ERBB4: variants seen among roughly 807,000 people sequenced by gnomAD.
ERBB4 encodes erb-b2 receptor tyrosine kinase 4.
A neutral mutation model predicts 158.0 loss-of-function variants in ERBB4; 42 were observed. That is an observed-to-expected ratio of 0.27 (90% confidence interval 0.21 to 0.34). The LOEUF (loss-of-function observed/expected upper bound fraction) is 0.34. Among genes scored for constraint, ERBB4 ranks in the 10% least tolerant of loss-of-function variants. The probability of loss-of-function intolerance (pLI) is 1.00; values close to 1 mark genes in which losing one functional copy is unlikely to be tolerated. For synonymous variants in ERBB4, 583 were observed against 558.7 expected, an observed-to-expected ratio of 1.04 and a Z score of -0.61; for missense variants, 1,333 against 1,624.1, an observed-to-expected ratio of 0.82 and a Z score of 3.08.
At position 211,379,559 on chromosome 2, in the gene ERBB4, C is replaced by A; in HGVS notation, c.*4056G>T. Reference sequence around the variant, plus strand: ...CAAAATCCATCCTACATTTTTATATCCTGCATTTAACTTTGTTACATTATA... The same window carrying A: ...CAAAATCCATCCTACATTTTTATATACTGCATTTAACTTTGTTACATTATA... On this transcript the variant is annotated 3_prime_UTR_variant, in exon 28 of 28. Transcript: ENST00000342788. 4.3e-6 allele frequency: 1 copy of A among 231,008 alleles called. No individual in the cohort carries two copies. Among genetic ancestry groups the A allele is most frequent in the Non-Finnish European group, 8.6e-6 (1 of 116,706 alleles). The allele number at this position is 231,008 out of a possible 1,614,324, so 14.3% of individuals were successfully genotyped here. A position where few individuals can be genotyped will look rare whatever the true frequency, so the allele number is the denominator to read the frequency against.
intron 1 of ERBB4, among the ~76,000 whole-genome samples, chr2:212,433,571 C>T (rs1272745146): frequency 2.0e-5 from 3 of 151,870 alleles, no homozygotes; most frequent in Non-Finnish European, 4.4e-5. Context: ...ACTTTCAGGC[C>T]TCATTTATTC....
At position 211,892,518 on chromosome 2, in the gene ERBB4, C is replaced by T. The variant is rs900071792; in HGVS notation, c.421+54912G>A. On this transcript the variant is annotated intron_variant, in intron 3 of 27. Transcript: ENST00000342788. Reference sequence around the variant, plus strand: ...GGCACAAGACAGGGATGCCCTCTCTCACCACTCCAATTCAACATAGTGTTG... The same window carrying T: ...GGCACAAGACAGGGATGCCCTCTCTTACCACTCCAATTCAACATAGTGTTG... 1.3e-4 allele frequency among the ~76,000 whole-genome samples: 18 copies of T among 139,838 alleles called. 1 individual carries two copies. Among genetic ancestry groups the T allele is most frequent in the African/African-American group, 4.9e-4 (17 of 34,476 alleles). 91.7% of individuals were successfully genotyped at this position (139,838 alleles called of 152,430 possible).
chr2:211,590,180 C>T (rs1368948537), intron 19 of ERBB4, among the ~76,000 whole-genome samples: 1 of 152,106 alleles, frequency 6.6e-6, no homozygotes, highest in East Asian at 1.9e-4. Context: ...TGAAAGAGGT[C>T]CAACTTAAAC....
chr2:211,385,866 C>T (rs1193857695), intron 27 of ERBB4, among the ~76,000 whole-genome samples: 11 of 152,138 alleles, frequency 7.2e-5, no homozygotes, highest in Admixed American at 1.3e-4. Context: ...GTCTTCACAA[C>T]GTCTACATTT....
chr2:212,492,081 A>G (rs530792048), intron 1 of ERBB4, among the ~76,000 whole-genome samples: 2 of 151,670 alleles, frequency 1.3e-5, no homozygotes, highest in Admixed American at 1.3e-4. Flanking sequence ...AACAAAAATA[A>G]CGTAAATTTG....
At chr2:211,972,152 T>C in intron 2 of ERBB4, among the ~76,000 whole-genome samples, 1 of 151,426 alleles carries the variant, frequency 6.6e-6, no homozygotes, top group Non-Finnish European at 1.5e-5. Context: ...GAAGAAACTA[T>C]AATGCCACAT....
At chr2:211,425,897 T>G (rs2063616395) in intron 22 of ERBB4, among the ~76,000 whole-genome samples, 1 of 152,102 alleles carries the variant, frequency 6.6e-6, no homozygotes, top group Admixed American at 6.6e-5. Flanking sequence ...TTGCCCAGGC[T>G]GGTCTCAAAC....
chr2:212,513,031 T>G (rs768334508), intron 1 of ERBB4, among the ~76,000 whole-genome samples: 46 of 152,206 alleles, frequency 3.0e-4, no homozygotes, highest in Non-Finnish European at 2.6e-4. Flanking sequence ...ATCTAATTCT[T>G]ATCATCTTCA....
intron 20 of ERBB4, among the ~76,000 whole-genome samples, chr2:211,505,743 G>A (rs1268009530): frequency 2.0e-5 from 3 of 152,042 alleles, no homozygotes; most frequent in Non-Finnish European, 4.4e-5. Context: ...GGTGGATCAC[G>A]AGGTCAGGAG....
chr2:211,496,350 G>T (rs896970307), intron 20 of ERBB4, among the ~76,000 whole-genome samples: 2 of 151,760 alleles, frequency 1.3e-5, no homozygotes, highest in African/African-American at 4.8e-5. Context: ...TTCTGTTTGA[G>T]CCTCTAATAT....
chr2:211,401,303 A>G (rs1323382869), intron 25 of ERBB4, among the ~76,000 whole-genome samples: 1 of 152,128 alleles, frequency 6.6e-6, no homozygotes, highest in African/African-American at 2.4e-5. Flanking sequence ...CTTTCTTTAG[A>G]TGATGAGGGT....
chr2:211,804,607 G>A (rs2076572300), intron 3 of ERBB4, among the ~76,000 whole-genome samples: 1 of 152,100 alleles, frequency 6.6e-6, no homozygotes, highest in South Asian at 2.1e-4. Context: ...TTGGGTGCAG[G>A]GAAAATTATA....
chr2:211,870,178 G>T (rs1025443706), intron 3 of ERBB4, among the ~76,000 whole-genome samples: 1 of 151,918 alleles, frequency 6.6e-6, no homozygotes, highest in Admixed American at 6.6e-5. Context: ...CCATAAATTT[G>T]GGAAGTAAAA....
intron 2 of ERBB4, among the ~76,000 whole-genome samples, chr2:211,977,721 A>G (rs1300662947): frequency 2.0e-5 from 3 of 150,814 alleles, no homozygotes; most frequent in Non-Finnish European, 4.4e-5. Flanking sequence ...CTAATTTTTT[A>G]AATAGCTGTA....
chr2:211,742,102 TA>T (rs2074820227), intron 5 of ERBB4, among the ~76,000 whole-genome samples: 1 of 152,212 alleles, frequency 6.6e-6, no homozygotes, highest in Non-Finnish European at 1.5e-5. Flanking sequence ...GGGTTTTAAT[TA>T]AAGATGTTGG....
chr2:211,895,584 G>T (rs1332226625), intron 3 of ERBB4, among the ~76,000 whole-genome samples: 1 of 151,930 alleles, frequency 6.6e-6, no homozygotes, highest in African/African-American at 2.4e-5. Context: ...ATTATCAATT[G>T]CTCCCCCTCT....
At chr2:211,453,978 T>A (rs980305504) in intron 20 of ERBB4, among the ~76,000 whole-genome samples, 1 of 152,196 alleles carries the variant, frequency 6.6e-6, no homozygotes, top group Non-Finnish European at 1.5e-5. Flanking sequence ...AGTCCAATGT[T>A]CAATCAACTA....
chr2:211,840,045 G>T (rs1188683530), intron 3 of ERBB4, among the ~76,000 whole-genome samples: 2 of 152,098 alleles, frequency 1.3e-5, no homozygotes, highest in Admixed American at 1.3e-4. Context: ...AGAAGAGGAT[G>T]ACAGTGAAGC....
At chr2:211,918,263 T>G (rs999959591) in intron 3 of ERBB4, among the ~76,000 whole-genome samples, 4 of 152,174 alleles carry the variant, frequency 2.6e-5, no homozygotes, top group Non-Finnish European at 5.9e-5. Flanking sequence ...CTGAAAGTAT[T>G]ACTTATTTCA....
Sources: allele counts gnomAD v4.1 joint callset (sites outside exome capture counted in the v4.1 genomes callset), GRCh38; gene constraint gnomAD v4.1.1; transcripts MANE v1.5; gene names NCBI Gene and HGNC (gene_info 2026-07-23, HGNC 2026-07-21).